Variants in PAMR1 observed in about 807,000 individuals in gnomAD.
The protein encoded by PAMR1 is peptidase domain containing associated with muscle regeneration 1.
In PAMR1, 88 loss-of-function variants were observed where a neutral mutation model predicts 81.8. The ratio of observed to expected loss-of-function variants is 1.08; its 90% CI spans 0.91 to 1.28. The LOEUF (loss-of-function observed/expected upper bound fraction) is 1.28, where lower values mean the gene tolerates loss of function less well. Among genes scored for constraint, PAMR1 ranks in the 50% most tolerant of loss-of-function variants. The probability of loss-of-function intolerance (pLI) is 0.00; values close to 1 mark genes in which losing one functional copy is unlikely to be tolerated. For synonymous variants in PAMR1, 336 were observed against 345.3 expected (o/e 0.97, Z 0.30); for missense variants, 935 against 919.7 (o/e 1.02, Z -0.21).
At chr11:35,493,773 A>G (rs1027066789) in intron 2 of PAMR1, among the ~76,000 whole-genome samples, 3 of 152,204 alleles carry the variant, frequency 2.0e-5, no homozygotes, top group African/African-American at 4.8e-5. Flanking sequence ...CCCCCAGGCT[A>G]TAAGCTCTGG....
intron 3 of PAMR1, among the ~76,000 whole-genome samples, chr11:35,491,769 T>C (rs755915825): frequency 5.9e-5 from 9 of 152,222 alleles, no homozygotes; most frequent in Admixed American, 6.5e-5. Context: ...ATGCAATTGC[T>C]TCTGGAATGC....
chr11:35,432,827 C>T lies in PAMR1; in HGVS notation c.1692G>A (p.Leu564=), dbSNP rs575957991. The T allele has an allele frequency of 1.7e-5, 27 of 1,603,688 alleles. No individual in the cohort carries two copies. The South Asian group carries it at 2.7e-4, about 16-fold the overall frequency. ...PILLDADIAI[L]KLLDKARIST... The stretch of plus-strand genomic sequence containing the variant: ...TGATACGGGCCTTGTCTAGGAGCTT[C>T]AGGATGGCGATGTCAGCATCAAGCA... The change falls in exon 11 of 11, where the codon CTG becomes CTA. Residue 564 remains leucine (L), a synonymous_variant. Coordinates refer to ENST00000619888, the MANE Select transcript of PAMR1 (RefSeq NM_001001991.3).
At position 35,505,862 on chromosome 11, in the gene PAMR1, T is replaced by C. The variant is rs571361551; in HGVS notation, c.74-11590A>G. ...AGCTCATGTAAATTTAGAGTTGTTA[T>C]TGATAAGTAAGTACTTCTATTGCCA... On this transcript the variant is annotated intron_variant, in intron 1 of 10. Transcript: ENST00000619888. Among the ~76,000 whole-genome samples, 12 of 152,142 alleles carry C rather than the reference T, an allele frequency of 7.9e-5. No individual in the cohort carries two copies. The East Asian group carries it at 2.1e-3, about 27-fold the overall frequency.
chr11:35,528,268 C>A (rs1851421850), upstream of PAMR1, among the ~76,000 whole-genome samples: 1 of 152,184 alleles, frequency 6.6e-6, no homozygotes, highest in Admixed American at 6.5e-5. Flanking sequence ...AGTGTCTCCA[C>A]CTCCCCTCTC....
At chr11:35,437,088 A>T (rs1856068922) in intron 8 of PAMR1, among the ~76,000 whole-genome samples, 1 of 152,184 alleles carries the variant, frequency 6.6e-6, no homozygotes, top group Non-Finnish European at 1.5e-5. Context: ...CATTGCATAT[A>T]AATGGGAAAA....
At chr11:35,440,494 G>A (rs144936028) in intron 7 of PAMR1, among the ~76,000 whole-genome samples, 1 of 152,204 alleles carries the variant, frequency 6.6e-6, no homozygotes, top group East Asian at 1.9e-4. Flanking sequence ...CATGATTCAG[G>A]TTGTTGACAA....
chr11:35,497,186 C>T (rs1850741848), intron 1 of PAMR1, among the ~76,000 whole-genome samples: 1 of 151,812 alleles, frequency 6.6e-6, no homozygotes, highest in African/African-American at 2.4e-5. Flanking sequence ...GTAATAATAA[C>T]AAATAATATA....
At chr11:35,440,715 A>G (rs1181343940) in intron 7 of PAMR1, among the ~76,000 whole-genome samples, 1 of 152,160 alleles carries the variant, frequency 6.6e-6, no homozygotes, top group Non-Finnish European at 1.5e-5. Flanking sequence ...ACAATATTCC[A>G]CTTTTCTGTC....
At chr11:35,527,260 T>C (rs982058757), upstream of PAMR1, among the ~76,000 whole-genome samples, 3 of 152,172 alleles carry the variant, frequency 2.0e-5, no homozygotes, top group Non-Finnish European at 4.4e-5. Context: ...ACTCTCTGAA[T>C]CTCAGTCTTC....
intron 1 of PAMR1, 61 bp downstream of exon 1, chr11:35,525,452 G>T: frequency 7.0e-7 from 1 of 1,419,952 alleles, no homozygotes; most frequent in Non-Finnish European, 9.9e-7. Flanking sequence ...GCAGACCCCA[G>T]GAGGAAAATG....
At chr11:35,466,782 A>T (rs545696468) in intron 6 of PAMR1, among the ~76,000 whole-genome samples, 1 of 151,746 alleles carries the variant, frequency 6.6e-6, no homozygotes, top group Non-Finnish European at 1.5e-5. Context: ...CAAAACATAC[A>T]CAAACTTTAG....
chr11:35,524,367 G>T (rs1029944170), intron 1 of PAMR1, among the ~76,000 whole-genome samples: 1 of 152,160 alleles, frequency 6.6e-6, no homozygotes, highest in Non-Finnish European at 1.5e-5. Flanking sequence ...GAAGGGCAGG[G>T]GGGTTTGTGT....
chr11:35,460,043 T>C (rs1856619021), intron 6 of PAMR1, among the ~76,000 whole-genome samples: 1 of 152,240 alleles, frequency 6.6e-6, no homozygotes. Context: ...ACTATTGCTT[T>C]AGTACATGGA....
intron 1 of PAMR1, among the ~76,000 whole-genome samples, chr11:35,496,045 C>T (rs933926858): frequency 6.6e-6 from 1 of 152,194 alleles, no homozygotes; most frequent in Non-Finnish European, 1.5e-5. Flanking sequence ...GTCTGAGCCC[C>T]TTCAGGGTGA....
At chr11:35,509,135 G>T (rs1235978118) in intron 1 of PAMR1, among the ~76,000 whole-genome samples, 1 of 152,156 alleles carries the variant, frequency 6.6e-6, no homozygotes, top group Admixed American at 6.5e-5. Flanking sequence ...GGATGATTTT[G>T]TAACTTTGTT....
chr11:35,489,736 C>T (rs1040560861), intron 3 of PAMR1, among the ~76,000 whole-genome samples: 3 of 152,218 alleles, frequency 2.0e-5, no homozygotes, highest in African/African-American at 7.2e-5. Context: ...GAAATATCTT[C>T]CTGCTCTGCC....
upstream of PAMR1, among the ~76,000 whole-genome samples, chr11:35,529,717 C>T (rs1448814755): frequency 1.3e-5 from 2 of 152,192 alleles, no homozygotes; most frequent in Non-Finnish European, 2.9e-5. Flanking sequence ...CCCTCACCTC[C>T]TACCACTGCT....
intron 1 of PAMR1, among the ~76,000 whole-genome samples, chr11:35,509,498 T>C (rs1038853984): frequency 4.6e-5 from 7 of 152,224 alleles, no homozygotes; most frequent in Non-Finnish European, 7.3e-5. Flanking sequence ...TTATTGAATG[T>C]TTTCCTGTAT....
At chr11:35,508,541 T>TC (rs1851015239) in intron 1 of PAMR1, among the ~76,000 whole-genome samples, 1 of 92,820 alleles carries the variant, frequency 1.1e-5, no homozygotes, top group Non-Finnish European at 2.4e-5. Flanking sequence ...TTTTTTTTTT[T>TC]ACTTTTACTT....
Sources: allele counts gnomAD v4.1 joint callset (sites outside exome capture counted in the v4.1 genomes callset), GRCh38; gene constraint gnomAD v4.1.1; transcripts MANE v1.5; gene names NCBI Gene and HGNC (gene_info 2026-07-23, HGNC 2026-07-21).